Variants in FGFR1 observed in about 807,000 individuals in gnomAD.
The protein encoded by FGFR1 is fibroblast growth factor receptor 1.
Under a neutral mutation model 93.7 loss-of-function variants are expected in FGFR1, and 18 were observed. The observed-to-expected ratio is 0.19, with a 90% CI of 0.13 to 0.28. The LOEUF (loss-of-function observed/expected upper bound fraction) is 0.28. Among genes scored for constraint, FGFR1 ranks in the 10% least tolerant of loss-of-function variants. The pLI is 1.00. For missense variants in FGFR1, 731 were observed against 1,080.4 expected, an observed-to-expected ratio of 0.68 and a Z score of 4.53; for synonymous variants, 448 against 429.3, an observed-to-expected ratio of 1.04 and a Z score of -0.54.
chr8:38,446,695 C>A (rs1829407665), intron 2 of FGFR1, among the ~76,000 whole-genome samples: 1 of 152,142 alleles, frequency 6.6e-6, no homozygotes, highest in South Asian at 2.1e-4. Flanking sequence ...AGGTGTGAGC[C>A]ACTGCGCCTG....
chr8:38,419,947 G>A (rs1021160722), intron 8 of FGFR1: 1 of 584,094 alleles, frequency 1.7e-6, no homozygotes, highest in Admixed American at 3.0e-5. Flanking sequence ...CTTGAGCCAT[G>A]GAAAAGGGAT....
chr8:38,440,229 G>A (rs765006910), intron 2 of FGFR1: 52 of 1,286,582 alleles, frequency 4.0e-5, no homozygotes, highest in Admixed American at 7.9e-5. Context: ...ACAGAACAGC[G>A]CAGCGGGGCT....
chr8:38,426,945 T>G lies in FGFR1; in HGVS notation c.622-700A>C, dbSNP rs1042616300. Reference sequence around the variant, plus strand: ...CTGGCCAACATGGGGAAACCCCGTCTCTACTAAAAATACAAAAATTAGCTG... The same window carrying G: ...CTGGCCAACATGGGGAAACCCCGTCGCTACTAAAAATACAAAAATTAGCTG... On this transcript the variant is annotated intron_variant, in intron 5 of 17. Coordinates refer to ENST00000447712, the MANE Select transcript of FGFR1 (RefSeq NM_023110.3). The surrounding 1 kb of genome is among the most constrained non-coding windows in gnomAD (Gnocchi z 4.1). 2.6e-5 allele frequency among the ~76,000 whole-genome samples: 4 copies of G among 152,106 alleles called. No homozygotes were observed. The highest frequency in any genetic ancestry group is 5.9e-5 in the Non-Finnish European group (4 of 68,006).
chr8:38,436,709 A>G (rs1825579736), intron 2 of FGFR1, among the ~76,000 whole-genome samples: 1 of 152,028 alleles, frequency 6.6e-6, no homozygotes, highest in Admixed American at 6.6e-5. Context: ...CTTTTTGATA[A>G]TCCTCAAGGA....
At chr8:38,417,577 G>A (rs1817135645) in intron 11 of FGFR1, 161 bp from the exon 12 acceptor site, 10 of 763,668 alleles carry the variant, frequency 1.3e-5, no homozygotes, top group African/African-American at 3.4e-5. Context: ...CATGGGAGCC[G>A]TTGTTGCAAT....
chr8:38,430,054 C>T (rs569868363), intron 2 of FGFR1, 106 bp from the exon 3 acceptor site: 40 of 1,163,964 alleles, frequency 3.4e-5, no homozygotes, highest in Middle Eastern at 2.7e-4. Context: ...CACACGGAGC[C>T]GCACCATCCT....
chr8:38,422,022 A>C, intron 7 of FGFR1, 81 bp from the exon 8 acceptor site: 1 of 1,509,848 alleles, frequency 6.6e-7, no homozygotes, highest in Non-Finnish European at 9.1e-7. Context: ...AAGGAGACAG[A>C]AAGAAGGGGG....
In FGFR1 at chr8:38,415,929, C is replaced by T. The variant is rs2150584619; in HGVS notation, c.1795G>A (p.Asp599Asn). The T allele has an allele frequency of 6.2e-7, 1 of 1,614,094 alleles. No individual in the cohort carries two copies. Among genetic ancestry groups the T allele is most frequent in the Middle Eastern group, 1.7e-4 (1 of 5,974 alleles). ...HNPEEQLSSK[D>N]LVSCAYQVAR... Reference sequence around the variant, plus strand: ...ACCTGGTAGGCGCAGGACACCAGGTCCTTGGAGGAGAGCTGCTCCTCTGGG... The same window carrying T: ...ACCTGGTAGGCGCAGGACACCAGGTTCTTGGAGGAGAGCTGCTCCTCTGGG... Residue 599 changes from aspartate (D) to asparagine (N), a missense_variant, in exon 13 of 18, where the codon GAC (aspartate) becomes AAC (asparagine). Coordinates refer to ENST00000447712, the MANE Select transcript of FGFR1 (RefSeq NM_023110.3).
chr8:38,463,249 T>A (rs367940084), intron 1 of FGFR1: 1 of 174,174 alleles, frequency 5.7e-6, no homozygotes, highest in East Asian at 1.0e-4. Context: ...CGAAGCAACA[T>A]CCATGCCTCT....
intron 2 of FGFR1, among the ~76,000 whole-genome samples, chr8:38,431,388 T>C (rs1823060596): frequency 2.0e-5 from 3 of 152,186 alleles, no homozygotes; most frequent in Admixed American, 2.0e-4. Flanking sequence ...GTGTCATCGG[T>C]ACCTTTAAAT....
chr8:38,446,062 TTGAC>T (rs1829157392), intron 2 of FGFR1, among the ~76,000 whole-genome samples: 1 of 152,084 alleles, frequency 6.6e-6, no homozygotes, highest in Non-Finnish European at 1.5e-5. Context: ...GCAGTGATAA[TTGAC>T]TGAAAGCTGT....
rs116122584 is a variant in FGFR1, at chr8:38,449,625, G to A, written c.91+7731C>T. 3.5e-3 allele frequency among the ~76,000 whole-genome samples: 531 copies of A among 152,016 alleles called. 2 individuals are homozygous for A. Among genetic ancestry groups the A allele is most frequent in the African/African-American group, 0.012 (483 of 41,436 alleles). On this transcript the variant is annotated intron_variant, in intron 2 of 17. Coordinates refer to ENST00000447712, the MANE Select transcript of FGFR1 (RefSeq NM_023110.3). ...CACTTCAGGCTCCCTGTGTCTCCAT[G>A]TCCAGGGCCTGGGAACACAAATGGC...
intron 15 of FGFR1, 73 bp from the exon 16 acceptor site, chr8:38,414,362 C>A (rs2150542284): frequency 6.2e-7 from 1 of 1,608,132 alleles, no homozygotes. Flanking sequence ...ATCCTCTACC[C>A]AGGGCAGTGC....
chr8:38,453,835 T>C (rs1005422594), intron 2 of FGFR1, among the ~76,000 whole-genome samples: 1 of 152,138 alleles, frequency 6.6e-6, no homozygotes, highest in African/African-American at 2.4e-5. Context: ...GAGGTTGCAG[T>C]AAGCCAAGAT....
intron 7 of FGFR1, chr8:38,423,131 G>C: frequency 1.3e-6 from 1 of 779,530 alleles, no homozygotes; most frequent in Non-Finnish European, 2.4e-6. Flanking sequence ...CTGTCACATT[G>C]AACAGGGTCA....
intron 2 of FGFR1, chr8:38,434,442 A>G: frequency 2.5e-6 from 1 of 401,480 alleles, no homozygotes; most frequent in East Asian, 5.7e-5. Context: ...GATGGAAGTC[A>G]ACTGCTTAAC....
intron 2 of FGFR1, chr8:38,440,254 C>T (rs923541872): frequency 1.3e-5 from 20 of 1,527,534 alleles, no homozygotes; most frequent in Non-Finnish European, 5.4e-6. Flanking sequence ...GGGCCCTCTG[C>T]AGAGGTTTTT....
At chr8:38,415,804 G>A (rs1381767122) in intron 13 of FGFR1, 66 bp downstream of exon 13, 1 of 1,493,638 alleles carries the variant, frequency 6.7e-7, no homozygotes, top group Non-Finnish European at 9.3e-7. Context: ...TAAGTCACAG[G>A]CTGGAAGACT....
intron 2 of FGFR1, among the ~76,000 whole-genome samples, chr8:38,456,553 C>T (rs1462582584): frequency 2.6e-5 from 4 of 152,200 alleles, no homozygotes; most frequent in Non-Finnish European, 5.9e-5. Context: ...TAGGAAAATG[C>T]AGGCGTGAAG....
Sources: allele counts gnomAD v4.1 joint callset (sites outside exome capture counted in the v4.1 genomes callset), GRCh38; gene constraint gnomAD v4.1.1; non-coding constraint Gnocchi (gnomAD v3.1); transcripts MANE v1.5; gene names NCBI Gene and HGNC (gene_info 2026-07-23, HGNC 2026-07-21).